Variants in KIAA1217 observed in about 807,000 individuals in gnomAD.
KIAA1217 encodes KIAA1217.
In KIAA1217, 88 loss-of-function variants were observed where a neutral mutation model predicts 163.9. That is an observed-to-expected ratio of 0.54 (90% CI 0.45 to 0.64). The LOEUF (loss-of-function observed/expected upper bound fraction) is 0.64, where lower values mean the gene tolerates loss of function less well. Among genes scored for constraint, KIAA1217 ranks in the 30% least tolerant of loss-of-function variants. The probability of loss-of-function intolerance (pLI) is 0.00; values close to 1 mark genes in which losing one functional copy is unlikely to be tolerated. For synonymous variants in KIAA1217, 903 were observed against 923.1 expected, an observed-to-expected ratio of 0.98 and a Z score of 0.39; for missense variants, 2,372 against 2,475.0, an observed-to-expected ratio of 0.96 and a Z score of 0.88.
At chr10:23,982,818 C>A (rs534544730) in intron 1 of KIAA1217, among the ~76,000 whole-genome samples, 15 of 152,210 alleles carry the variant, frequency 9.9e-5, no homozygotes, top group African/African-American at 3.4e-4. Flanking sequence ...CCCACCTCAG[C>A]CTCCCAACGT....
At chr10:24,314,738 T>G (rs796952219) in intron 2 of KIAA1217, among the ~76,000 whole-genome samples, 1 of 151,882 alleles carries the variant, frequency 6.6e-6, no homozygotes, top group African/African-American at 2.4e-5. Flanking sequence ...GTCAGGAGAT[T>G]GAGACCATCC....
chr10:23,766,578 T>TC (rs1834530678), intron 1 of KIAA1217, among the ~76,000 whole-genome samples: 1 of 148,376 alleles, frequency 6.7e-6, no homozygotes, highest in Non-Finnish European at 1.5e-5. Flanking sequence ...CTTTTTTTTT[T>TC]CTTTCTTTCT....
At chr10:24,233,670 ATTGG>A (rs2071769376) in intron 2 of KIAA1217, among the ~76,000 whole-genome samples, 1 of 152,220 alleles carries the variant, frequency 6.6e-6, no homozygotes, top group South Asian at 2.1e-4. Flanking sequence ...TCGCTTAAAG[ATTGG>A]TTTACAAAGT....
At chr10:24,418,366 T>C (rs1428730062) in intron 3 of KIAA1217, among the ~76,000 whole-genome samples, 2 of 152,198 alleles carry the variant, frequency 1.3e-5, no homozygotes, top group Non-Finnish European at 2.9e-5. Context: ...ACTTCCCCAG[T>C]ATCTTTCTCC....
chr10:24,344,768 T>C (rs559866338), intron 2 of KIAA1217, among the ~76,000 whole-genome samples: 68 of 152,356 alleles, frequency 4.5e-4, no homozygotes, highest in African/African-American at 1.6e-3. Flanking sequence ...CCTATTTATA[T>C]GGCGAGAAAA....
intron 2 of KIAA1217, among the ~76,000 whole-genome samples, chr10:24,021,213 AG>A (rs1847717563): frequency 6.6e-6 from 1 of 151,982 alleles, no homozygotes; most frequent in African/African-American, 2.4e-5. Context: ...AAGAAGCAAC[AG>A]TAACAAAAAA....
intron 11 of KIAA1217, 128 bp downstream of exon 11, chr10:24,520,381 T>C (rs1394102613): frequency 3.8e-6 from 5 of 1,305,508 alleles, no homozygotes; most frequent in Non-Finnish European, 5.3e-6. Context: ...CCAGGCATTG[T>C]TCTGGACACT....
At chr10:23,867,373 G>A (rs1350925001) in intron 1 of KIAA1217, among the ~76,000 whole-genome samples, 1 of 151,914 alleles carries the variant, frequency 6.6e-6, no homozygotes, top group African/African-American at 2.4e-5. Flanking sequence ...CCCAGTAATG[G>A]GATGGCTGGG....
intron 2 of KIAA1217, among the ~76,000 whole-genome samples, chr10:24,032,843 A>T (rs1778490879): frequency 6.6e-6 from 1 of 152,170 alleles, no homozygotes; most frequent in African/African-American, 2.4e-5. Flanking sequence ...TTTTTACCTC[A>T]GGATTCTACT....
chr10:23,915,305 T>C (rs986099177), intron 1 of KIAA1217, among the ~76,000 whole-genome samples: 1 of 152,096 alleles, frequency 6.6e-6, no homozygotes, highest in African/African-American at 2.4e-5. Flanking sequence ...GCGGTTGTCA[T>C]GAGCTGAGAT....
intron 2 of KIAA1217, among the ~76,000 whole-genome samples, chr10:24,018,825 A>G (rs776837388): frequency 5.9e-5 from 9 of 152,124 alleles, no homozygotes; most frequent in African/African-American, 9.6e-5. Context: ...GTGTCCATCA[A>G]TGGATGAATG....
Position 24,524,765 on chromosome 10 carries a change from G to T in KIAA1217, c.2898+1G>T. On this transcript the variant is annotated splice_donor_variant, in intron 13 of 20. Coordinates refer to ENST00000376454, the MANE Select transcript of KIAA1217 (RefSeq NM_019590.5). LOFTEE classifies it high-confidence loss of function. Reference sequence around the variant, plus strand: ...CAAGAACAGGGCAGTGTCTATCGAGGTAGAGTCCTATTTCTGTTTCTCATA... The same window carrying T: ...CAAGAACAGGGCAGTGTCTATCGAGTTAGAGTCCTATTTCTGTTTCTCATA... 6.3e-7 allele frequency: 1 copy of T among 1,580,004 alleles called. No homozygotes were observed. Among genetic ancestry groups the T allele is most frequent in the Non-Finnish European group, 8.6e-7 (1 of 1,158,732 alleles).
chr10:23,923,669 G>A (rs536964427), intron 1 of KIAA1217, among the ~76,000 whole-genome samples: 1 of 152,282 alleles, frequency 6.6e-6, no homozygotes, highest in Admixed American at 6.5e-5. Context: ...GCTTAAAAAG[G>A]CAAGGAAATG....
chr10:23,940,477 A>G (rs913291283), intron 1 of KIAA1217, among the ~76,000 whole-genome samples: 10 of 150,986 alleles, frequency 6.6e-5, no homozygotes, highest in East Asian at 1.9e-4. Context: ...AAAAAAAAAA[A>G]AAAAAAAGAA....
intron 2 of KIAA1217, among the ~76,000 whole-genome samples, chr10:24,032,237 T>C (rs953804602): frequency 6.6e-6 from 1 of 152,144 alleles, no homozygotes; most frequent in Non-Finnish European, 1.5e-5. Flanking sequence ...TCTGATTGCC[T>C]AAGTATTCAT....
intron 3 of KIAA1217, among the ~76,000 whole-genome samples, chr10:24,417,536 G>T (rs975869040): frequency 3.3e-5 from 5 of 152,190 alleles, no homozygotes; most frequent in African/African-American, 1.2e-4. Context: ...CCCCTGAGCT[G>T]CTAGAAAGGG....
chr10:24,298,334 T>G (rs1487088726), intron 2 of KIAA1217, among the ~76,000 whole-genome samples: 2 of 152,210 alleles, frequency 1.3e-5, no homozygotes, highest in Non-Finnish European at 2.9e-5. Flanking sequence ...ATTGATTTTT[T>G]TAAATCTATG....
At chr10:24,311,227 T>G (rs1164825375) in intron 2 of KIAA1217, among the ~76,000 whole-genome samples, 1 of 152,178 alleles carries the variant, frequency 6.6e-6, no homozygotes, top group Non-Finnish European at 1.5e-5. Flanking sequence ...GGACATGTGT[T>G]AGTTCCCAGC....
chr10:23,974,845 T>C (rs79250528), intron 1 of KIAA1217, among the ~76,000 whole-genome samples: 2 of 151,754 alleles, frequency 1.3e-5, no homozygotes, highest in Non-Finnish European at 2.9e-5. Context: ...CCCTACTTTA[T>C]AATATGAAAG....
Sources: allele counts gnomAD v4.1 joint callset (sites outside exome capture counted in the v4.1 genomes callset), GRCh38; gene constraint gnomAD v4.1.1; transcripts MANE v1.5; gene names NCBI Gene and HGNC (gene_info 2026-07-23, HGNC 2026-07-21).